JAK2: variants seen among roughly 807,000 people sequenced by gnomAD.
The protein encoded by JAK2 is Janus kinase 2, also known as tyrosine-protein kinase JAK2.
Under a neutral mutation model 139.3 loss-of-function variants are expected in JAK2, and 86 were observed. The observed-to-expected ratio is 0.62, with a 90% confidence interval of 0.52 to 0.74. JAK2 has a LOEUF of 0.74. Among genes scored for constraint, JAK2 ranks in the 30% least tolerant of loss-of-function variants. The pLI is 0.00. For synonymous variants in JAK2, 490 were observed against 437.7 expected (o/e 1.12, Z -1.49); for missense variants, 1,421 against 1,360.3 (o/e 1.04, Z -0.70).
At chr9:5,113,325 G>A (rs563517962) in intron 22 of JAK2, among the ~76,000 whole-genome samples, 16 of 150,206 alleles carry the variant, frequency 1.1e-4, no homozygotes, top group African/African-American at 3.7e-4. Flanking sequence ...ATCACTTGAG[G>A]GAGATGCTGT....
At chr9:5,116,784 C>T (rs1179008999) in intron 22 of JAK2, among the ~76,000 whole-genome samples, 1 of 152,188 alleles carries the variant, frequency 6.6e-6, no homozygotes, top group African/African-American at 2.4e-5. Flanking sequence ...GCAAATTCAA[C>T]TGACAGGTCC....
chr9:5,004,065 T>G (rs1368918734), intron 2 of JAK2, among the ~76,000 whole-genome samples: 3 of 152,186 alleles, frequency 2.0e-5, no homozygotes, highest in Non-Finnish European at 2.9e-5. Flanking sequence ...CATTTTGTTA[T>G]ATGTATACAT....
rs1563905039 is a variant in JAK2 at position 4,985,413 on chromosome 9, T to C, written c.-326T>C. 2 of 152,384 alleles carry C rather than the reference T, an allele frequency of 1.3e-5. No individual in the cohort carries two copies. The highest frequency in any genetic ancestry group is 1.5e-5 in the Non-Finnish European group (1 of 68,236). 9.4% of individuals were successfully genotyped at this position (152,384 alleles called of 1,614,324 possible). A position where few individuals can be genotyped will look rare whatever the true frequency, so the allele number is the denominator to read the frequency against. On this transcript the variant is annotated 5_prime_UTR_variant, in exon 1 of 25. Coordinates refer to ENST00000381652, the MANE Select transcript of JAK2 (RefSeq NM_004972.4). ...CCTCGGCCCGGGCTTGCGGCGCGCG[T>C]CGGGGCTGAGGGCTGCTGCGGCGCA...
rs200014323 is a variant in JAK2, at chr9:5,072,500, C to A, written c.1650C>A (p.Ser550Arg). Reference sequence around the variant, plus strand: ...ACCTTTTTCTCTTGAAGAATGAAAGCCTTGGCCAAGGCACTTTTACAAAGA... The same window carrying A: ...ACCTTTTTCTCTTGAAGAATGAAAGACTTGGCCAAGGCACTTTTACAAAGA... ...IRNEDLIFNESLGQGTFTKIF... is the reference protein window; with the variant it reads ...IRNEDLIFNERLGQGTFTKIF... Residue 550 changes from serine to arginine, a missense_variant, in exon 13 of 25, where the codon AGC becomes AGA. Transcript: ENST00000381652. 6.3e-7 allele frequency: 1 copy of A among 1,576,306 alleles called. No individual in the cohort carries two copies. The highest frequency in any genetic ancestry group is 1.4e-5 in the African/African-American group (1 of 73,596).
At chr9:5,027,696 T>C (rs1181137500) in intron 3 of JAK2, among the ~76,000 whole-genome samples, 2 of 152,248 alleles carry the variant, frequency 1.3e-5, no homozygotes, top group African/African-American at 4.8e-5. Context: ...TTGATTAAGT[T>C]GATGTAGTAT....
rs1173588942 is a variant in JAK2 at position 5,129,054 on chromosome 9, C to G, written c.*2263C>G. On this transcript the variant is annotated 3_prime_UTR_variant, in exon 25 of 25. Transcript: ENST00000381652. ...CTATAATTTGCTATGGAAGAGTGTT[C>G]TTTTAACCTAAGGCTTCTAGTTTAC... 1.3e-5 allele frequency among the ~76,000 whole-genome samples: 2 copies of G among 151,908 alleles called. No homozygotes were observed. Among genetic ancestry groups the G allele is most frequent in the East Asian group, 3.8e-4 (2 of 5,200 alleles).
At chr9:5,111,699 C>G in intron 22 of JAK2, 1 of 431,400 alleles carries the variant, frequency 2.3e-6, no homozygotes, top group South Asian at 1.7e-5. Context: ...GGCAGCAGCA[C>G]GTTTGGCGGC....
intron 4 of JAK2, chr9:5,041,921 C>A (rs1437553437): frequency 1.3e-5 from 5 of 392,816 alleles, no homozygotes; most frequent in African/African-American, 2.1e-5. Flanking sequence ...GGCGATGAAA[C>A]GAAATGCTGC....
At chr9:4,986,947 C>G (rs1007068268) in intron 2 of JAK2, among the ~76,000 whole-genome samples, 1 of 152,156 alleles carries the variant, frequency 6.6e-6, no homozygotes, top group African/African-American at 2.4e-5. Flanking sequence ...GGATGATCAG[C>G]TTGTATTTTG....
At chr9:5,063,307 A>C (rs1172239565) in intron 8 of JAK2, among the ~76,000 whole-genome samples, 2 of 152,190 alleles carry the variant, frequency 1.3e-5, no homozygotes, top group Non-Finnish European at 2.9e-5. Context: ...TGGACTTCTC[A>C]ATACAAAATT....
chr9:5,010,682 T>G (rs1587822262), intron 2 of JAK2, among the ~76,000 whole-genome samples: 1 of 152,202 alleles, frequency 6.6e-6, no homozygotes, highest in East Asian at 1.9e-4. Flanking sequence ...TAATCACATA[T>G]TTACTATTTT....
In JAK2 at chr9:5,047,839, G is replaced by C. The variant is rs200516965; in HGVS notation, c.469-2847G>C. 2.0e-5 allele frequency among the ~76,000 whole-genome samples: 3 copies of C among 152,130 alleles called. No individual in the cohort carries two copies. In the East Asian group the frequency reaches 5.8e-4, roughly 29 times the overall value. Reference sequence around the variant, plus strand: ...TGGTTTCAAACACCTGGCTTCAAATGATCCTCCTACCTCAGCCTCCCAAAG... The same window carrying C: ...TGGTTTCAAACACCTGGCTTCAAATCATCCTCCTACCTCAGCCTCCCAAAG... On this transcript the variant is annotated intron_variant, in intron 5 of 24. Coordinates refer to ENST00000381652, the MANE Select transcript of JAK2 (RefSeq NM_004972.4).
intron 17 of JAK2, 75 bp from the exon 18 acceptor site, chr9:5,080,458 G>C: frequency 6.5e-7 from 1 of 1,526,938 alleles, no homozygotes; most frequent in East Asian, 2.3e-5. Flanking sequence ...GTATTTTTTA[G>C]CCCATCTAAT....
intron 19 of JAK2, among the ~76,000 whole-genome samples, chr9:5,087,256 T>G (rs1207501942): frequency 2.0e-5 from 3 of 152,178 alleles, no homozygotes; most frequent in Admixed American, 2.0e-4. Flanking sequence ...AGAAGGCACC[T>G]CTTCACAGGG....
At chr9:5,111,988 G>A in intron 22 of JAK2, 1 of 371,322 alleles carries the variant, frequency 2.7e-6, no homozygotes. Flanking sequence ...TCCCCCCAGG[G>A]CCTGGGAGGG....
chr9:5,078,717 A>G (rs1300543842), intron 16 of JAK2, among the ~76,000 whole-genome samples: 1 of 152,176 alleles, frequency 6.6e-6, no homozygotes, highest in East Asian at 1.9e-4. Context: ...CATTTTTAGT[A>G]TGAAGTTTTG....
At chr9:5,003,350 C>A (rs1821045877) in intron 2 of JAK2, among the ~76,000 whole-genome samples, 1 of 151,986 alleles carries the variant, frequency 6.6e-6, no homozygotes, top group African/African-American at 2.4e-5. Context: ...ATTCTTATAT[C>A]AGCATGGTCT....
intron 13 of JAK2, 40 bp from the exon 14 acceptor site, chr9:5,073,658 C>T (rs1819122854): frequency 7.0e-7 from 1 of 1,431,094 alleles, no homozygotes; most frequent in African/African-American, 1.4e-5. Context: ...TTATGGACAA[C>T]AGTCAAACAA....
chr9:5,070,018 T>C lies in JAK2; in HGVS notation c.1607T>C (p.Val536Ala). The C allele has an allele frequency of 1.2e-6, 2 of 1,607,590 alleles. No individual in the cohort carries two copies. The highest frequency in any genetic ancestry group is 1.7e-6 in the Non-Finnish European group (2 of 1,176,084). Reference protein sequence around the residue: ...LQRPTHMNQMVFHKIRNEDLI... With the variant: ...LQRPTHMNQMAFHKIRNEDLI... The stretch of plus-strand genomic sequence containing the variant: ...AGGCCTACTCATATGAACCAAATGG[T>C]GTTTCACAAAATCAGAAATGAAGAT... The change falls in exon 12 of 25, where the codon GTG becomes GCG. Residue 536 changes from valine (V) to alanine (A), a missense_variant. Transcript: ENST00000381652.
Sources: allele counts gnomAD v4.1 joint callset (sites outside exome capture counted in the v4.1 genomes callset), GRCh38; gene constraint gnomAD v4.1.1; transcripts MANE v1.5; gene names NCBI Gene and HGNC (gene_info 2026-07-23, HGNC 2026-07-21).